The following NFYB variants were observed in gnomAD, a reference collection of about 807,000 sequenced individuals.
NFYB encodes the protein nuclear transcription factor Y subunit beta.
NFYB carries 13 observed loss-of-function variants against 28.0 expected under a neutral mutation model. The observed-to-expected ratio is 0.46, with a 90% CI of 0.30 to 0.74. The LOEUF is 0.74. NFYB is among the 30% of genes least tolerant of loss of function. NFYB has a pLI of 0.07. For missense variants in NFYB, 142 were observed against 247.6 expected (o/e 0.57, Z 2.86); for synonymous variants, 74 against 75.0 (o/e 0.99, Z 0.07).
chr12:104,127,600 T>A (rs1198825764), intron 3 of NFYB, among the ~76,000 whole-genome samples: 6 of 148,056 alleles, frequency 4.1e-5, no homozygotes, highest in African/African-American at 1.2e-4. Flanking sequence ...AAAAAAAAAA[T>A]TTTTTTTACA....
intron 4 of NFYB, among the ~76,000 whole-genome samples, chr12:104,125,765 T>C (rs556323731): frequency 1.9e-4 from 28 of 149,654 alleles, no homozygotes; most frequent in Admixed American, 1.7e-3. Context: ...GGAGAATTGC[T>C]TGAACCTGGG....
At chr12:104,128,159 C>T (rs948876726) in intron 3 of NFYB, among the ~76,000 whole-genome samples, 3 of 152,056 alleles carry the variant, frequency 2.0e-5, no homozygotes, top group African/African-American at 7.2e-5. Context: ...AACAGGAAGT[C>T]GATAACAAAT....
chr12:104,120,262 C>A (rs2030415885), intron 7 of NFYB, 138 bp downstream of exon 7: 1 of 605,202 alleles, frequency 1.7e-6, no homozygotes, highest in Non-Finnish European at 3.0e-6. Context: ...ACCATGTTGG[C>A]CAGGCTGGTC....
Position 104,118,921 on chromosome 12 carries a change from G to T in NFYB, c.*816C>A, listed in dbSNP as rs1053578120. 1 of 151,912 alleles carries T rather than the reference G, an allele frequency of 6.6e-6. No individual in the cohort carries two copies. Among genetic ancestry groups the T allele is most frequent in the Non-Finnish European group, 1.5e-5 (1 of 67,978 alleles). 9.4% of individuals were successfully genotyped at this position (151,912 alleles called of 1,614,324 possible). ...AGAATACTATAGTACTTGAAGATAT[G>T]ATTTGAAAAAAAATCATGTACCAAA... On this transcript the variant is annotated 3_prime_UTR_variant, in exon 8 of 8. Transcript: ENST00000240055.
chr12:104,127,583 TA>T (rs71069718), intron 3 of NFYB, among the ~76,000 whole-genome samples: 18,339 of 82,364 alleles, frequency 0.22, 1,230 homozygotes, highest in Middle Eastern at 0.28. Flanking sequence ...AAATAAAAAA[TA>T]AAAAAAAAAA....
intron 2 of NFYB, chr12:104,128,738 C>G (rs2030817418): frequency 4.4e-6 from 1 of 226,486 alleles, no homozygotes; most frequent in Non-Finnish European, 8.8e-6. Context: ...GTGATCACAG[C>G]TCACTGCAGA....
intron 1 of NFYB, among the ~76,000 whole-genome samples, chr12:104,135,892 A>T (rs953966809): frequency 1.3e-5 from 2 of 152,220 alleles, no homozygotes; most frequent in Non-Finnish European, 2.9e-5. Context: ...ATACATCTAA[A>T]TTACTTAAAA....
intron 4 of NFYB, chr12:104,125,476 A>G: frequency 6.5e-6 from 1 of 152,936 alleles, no homozygotes; most frequent in Non-Finnish European, 1.4e-5. Flanking sequence ...AACAAGAGCG[A>G]AACTCCGTCT....
intron 5 of NFYB, among the ~76,000 whole-genome samples, chr12:104,122,539 C>T (rs567537802): frequency 9.2e-5 from 14 of 152,286 alleles, no homozygotes; most frequent in Admixed American, 5.2e-4. Flanking sequence ...GTCAGATCAG[C>T]GGCCACGTGA....
chr12:104,126,121 G>T lies in NFYB; in HGVS notation c.224C>A (p.Thr75Lys). The T allele has an allele frequency of 6.3e-7, 1 of 1,578,498 alleles. No individual in the cohort carries two copies. The highest frequency in any genetic ancestry group is 8.6e-7 in the Non-Finnish European group (1 of 1,167,732). The change falls in exon 4 of 8, where the codon ACG (threonine) becomes AAG (lysine). Residue 75 changes from threonine to lysine, a missense_variant. Coordinates refer to ENST00000240055, the MANE Select transcript of NFYB (RefSeq NM_006166.4). The part of the protein sequence containing the change: ...ARIMKNAIPQ[T>K]GKIAKDAKEC... ...ATTTCTCCTCTACGTTACCTTTCCC[G>T]TTTGAGGTATGGCATTTTTCATTAT...
At chr12:104,136,605 C>T (rs1828223523) in intron 1 of NFYB, among the ~76,000 whole-genome samples, 1 of 152,160 alleles carries the variant, frequency 6.6e-6, no homozygotes, top group South Asian at 2.1e-4. Context: ...AATAAGCCCT[C>T]AGAACACTTA....
chr12:104,133,162 T>C (rs1269668087), intron 2 of NFYB, among the ~76,000 whole-genome samples: 1 of 152,220 alleles, frequency 6.6e-6, no homozygotes, highest in East Asian at 1.9e-4. Flanking sequence ...ACTTTCTAAA[T>C]ATCTCATGCA....
chr12:104,137,427 G>C (rs953631612), intron 1 of NFYB: 17 of 152,232 alleles, frequency 1.1e-4, no homozygotes, highest in African/African-American at 4.1e-4. Context: ...CATTCTTTAC[G>C]CGCAAACCAG....
At chr12:104,122,546 G>A (rs999531379) in intron 5 of NFYB, among the ~76,000 whole-genome samples, 2 of 152,186 alleles carry the variant, frequency 1.3e-5, no homozygotes, top group African/African-American at 2.4e-5. Context: ...CAGCGGCCAC[G>A]TGAGATTCTC....
In NFYB at chr12:104,119,902, A is replaced by T. The variant is rs1401185185; in HGVS notation, c.592-133T>A. ...TCCCATTTCTTGTGTATCTTTCTAG[A>T]AATCTCCTATGCAAATATGAACATA... On this transcript the variant is annotated intron_variant, in intron 7 of 7. Coordinates refer to ENST00000240055, the MANE Select transcript of NFYB (RefSeq NM_006166.4). The T allele has an allele frequency of 9.6e-6, 6 of 622,732 alleles. No homozygotes were observed. In the East Asian group the frequency reaches 1.4e-4, roughly 14 times the overall value. The allele number at this position is 622,732 out of a possible 1,614,324, so 38.6% of individuals were successfully genotyped here.
intron 4 of NFYB, among the ~76,000 whole-genome samples, chr12:104,124,044 T>C (rs971840540): frequency 6.6e-6 from 1 of 152,182 alleles, no homozygotes; most frequent in Non-Finnish European, 1.5e-5. Flanking sequence ...GGATGAAAAC[T>C]CTTAATAACC....
intron 4 of NFYB, among the ~76,000 whole-genome samples, chr12:104,124,214 G>T (rs1555199210): frequency 1.3e-5 from 2 of 152,200 alleles, no homozygotes; most frequent in Non-Finnish European, 2.9e-5. Context: ...AGAGAGAAAT[G>T]ATAACATACG....
chr12:104,129,608 G>C (rs904742510), intron 2 of NFYB, among the ~76,000 whole-genome samples: 1 of 152,154 alleles, frequency 6.6e-6, no homozygotes, highest in Non-Finnish European at 1.5e-5. Flanking sequence ...AGGGCCAGGT[G>C]TGGCTCATGC....
rs1413927850 is a variant in NFYB, at chr12:104,135,448, T to C, written c.6A>G (p.Thr2=). Residue 2 remains threonine (T), a splice_region_variant and synonymous_variant, in exon 2 of 8, where the codon ACA becomes ACG. Transcript: ENST00000240055. M[T]MDGDSSTTDA... is the part of the protein sequence containing the mutation. ...AACCAAAATGGTAAAATATACTTAC[T>C]GTCATGAAATACTGTCAGAACCGTG... The C allele has an allele frequency of 6.3e-7, 1 of 1,591,566 alleles. No homozygotes were observed. The highest frequency in any genetic ancestry group is 8.5e-7 in the Non-Finnish European group (1 of 1,171,724).
Sources: gnomAD v4.1 joint callset for allele counts (sites outside exome capture counted in the v4.1 genomes callset) on GRCh38, gnomAD v4.1.1 for gene constraint, MANE v1.5 for transcripts, NCBI Gene and HGNC (gene_info 2026-07-23, HGNC 2026-07-21) for gene names.